The following XYLT1 variants were observed in gnomAD, a reference collection of about 807,000 sequenced individuals.
The protein encoded by XYLT1 is xylosyltransferase 1, also known as beta-D-xylosyltransferase 1.
XYLT1 carries 36 observed loss-of-function variants against 91.3 expected under a neutral mutation model. The ratio of observed to expected loss-of-function variants is 0.39; its 90% CI spans 0.30 to 0.52. The LOEUF is 0.52. Among genes scored for constraint, XYLT1 ranks in the 20% least tolerant of loss-of-function variants. XYLT1 has a pLI of 0.68. For missense variants in XYLT1, 1,242 were observed against 1,284.5 expected, an observed-to-expected ratio of 0.97 and a Z score of 0.51; for synonymous variants, 588 against 532.0, an observed-to-expected ratio of 1.11 and a Z score of -1.45.
At chr16:17,416,400 C>T (rs369657438) in intron 1 of XYLT1, among the ~76,000 whole-genome samples, 7 of 152,198 alleles carry the variant, frequency 4.6e-5, no homozygotes, top group African/African-American at 1.2e-4. Flanking sequence ...GTATAAACTC[C>T]CTAGCTCAGC....
chr16:17,214,071 C>T (rs952560233), intron 3 of XYLT1, among the ~76,000 whole-genome samples: 7 of 152,126 alleles, frequency 4.6e-5, no homozygotes, highest in African/African-American at 7.2e-5. Context: ...ATTTGAAATC[C>T]CTAGTCCCCA....
At chr16:17,283,955 C>T (rs2034096100) in intron 2 of XYLT1, among the ~76,000 whole-genome samples, 1 of 152,220 alleles carries the variant, frequency 6.6e-6, no homozygotes, top group African/African-American at 2.4e-5. Context: ...TACCACTATA[C>T]ACCCGCCCAG....
intron 5 of XYLT1, among the ~76,000 whole-genome samples, chr16:17,166,677 A>AT (rs34758469): frequency 0.059 from 8,557 of 144,100 alleles, 291 homozygotes; most frequent in South Asian, 0.098. Flanking sequence ...ATGTCCAGCT[A>AT]TTTTTTTTTT....
chr16:17,444,502 ACTT>A (rs1175133379), intron 1 of XYLT1, among the ~76,000 whole-genome samples: 33 of 127,900 alleles, frequency 2.6e-4, no homozygotes, highest in African/African-American at 8.9e-4. Context: ...TGTCCAGCTA[ACTT>A]CTTCTTCTTT....
At chr16:17,151,544 A>T (rs1038123118) in intron 6 of XYLT1, among the ~76,000 whole-genome samples, 2 of 152,166 alleles carry the variant, frequency 1.3e-5, no homozygotes, top group Admixed American at 6.5e-5. Context: ...GAAAATGGGC[A>T]CGATGATGAT....
intron 11 of XYLT1, among the ~76,000 whole-genome samples, chr16:17,109,755 T>A (rs1436363219): frequency 6.6e-6 from 1 of 152,198 alleles, no homozygotes; most frequent in Non-Finnish European, 1.5e-5. Flanking sequence ...TCTAGCCCTT[T>A]ACAGAAAAAT....
Position 17,189,122 on chromosome 16 carries a change from T to G in XYLT1, c.1289+9090A>C, listed in dbSNP as rs115554349. 9.0e-3 allele frequency among the ~76,000 whole-genome samples: 1,375 copies of G among 152,322 alleles called. 13 individuals are homozygous for G. The highest frequency in any genetic ancestry group is 0.032 in the African/African-American group (1,318 of 41,564). On this transcript the variant is annotated intron_variant, in intron 5 of 11. Transcript: ENST00000261381. Reference sequence around the variant, plus strand: ...GAGTAGAGAAGTATCTTCACTGGGCTGACCTAAGCACTTTCCTCCTCAAAG... The same window carrying G: ...GAGTAGAGAAGTATCTTCACTGGGCGGACCTAAGCACTTTCCTCCTCAAAG...
intron 11 of XYLT1, among the ~76,000 whole-genome samples, chr16:17,114,463 C>A (rs572269502): frequency 6.6e-6 from 1 of 152,324 alleles, no homozygotes; most frequent in Non-Finnish European, 1.5e-5. Context: ...GTGTCTGCTG[C>A]AGAACTGATT....
At chr16:17,246,435 G>C (rs1355354069) in intron 3 of XYLT1, among the ~76,000 whole-genome samples, 1 of 152,192 alleles carries the variant, frequency 6.6e-6, no homozygotes, top group African/African-American at 2.4e-5. Flanking sequence ...GGAGAAGCTA[G>C]ATCAGTCATT....
chr16:17,396,233 C>T (rs1191998650), intron 1 of XYLT1, among the ~76,000 whole-genome samples: 4 of 152,228 alleles, frequency 2.6e-5, no homozygotes, highest in Non-Finnish European at 5.9e-5. Flanking sequence ...CACAACCTTA[C>T]AGCCAGTCCC....
chr16:17,203,708 T>C (rs1160308786), intron 3 of XYLT1, among the ~76,000 whole-genome samples: 1 of 152,130 alleles, frequency 6.6e-6, no homozygotes, highest in African/African-American at 2.4e-5. Flanking sequence ...ATCTAACTAC[T>C]CATCTGTCCA....
At chr16:17,449,346 C>T (rs535252646) in intron 1 of XYLT1, among the ~76,000 whole-genome samples, 245 of 152,362 alleles carry the variant, frequency 1.6e-3, no homozygotes, top group African/African-American at 5.7e-3. Context: ...GAACAGCAGC[C>T]CCTGGAGAGG....
chr16:17,302,686 G>T (rs182505381), intron 2 of XYLT1, among the ~76,000 whole-genome samples: 8 of 152,220 alleles, frequency 5.3e-5, no homozygotes, highest in African/African-American at 1.9e-4. Context: ...TTTAATTTTT[G>T]CAGTCTTATT....
At chr16:17,427,552 G>A (rs1465838971) in intron 1 of XYLT1, among the ~76,000 whole-genome samples, 1 of 152,150 alleles carries the variant, frequency 6.6e-6, no homozygotes, top group African/African-American at 2.4e-5. Flanking sequence ...CCAAAGCGCT[G>A]GGATTACAGG....
At chr16:17,167,914 C>A (rs2031736737) in intron 5 of XYLT1, among the ~76,000 whole-genome samples, 1 of 152,186 alleles carries the variant, frequency 6.6e-6, no homozygotes, top group African/African-American at 2.4e-5. Context: ...CACGGCTTAT[C>A]TGGGGGAGGA....
chr16:17,123,263 C>T (rs1022115422), intron 10 of XYLT1, among the ~76,000 whole-genome samples: 1 of 152,090 alleles, frequency 6.6e-6, no homozygotes, highest in Non-Finnish European at 1.5e-5. Flanking sequence ...TTGCAGTTTT[C>T]CTTGTAGAGG....
At chr16:17,403,906 C>G (rs1035624350) in intron 1 of XYLT1, among the ~76,000 whole-genome samples, 1 of 152,204 alleles carries the variant, frequency 6.6e-6, no homozygotes, top group Non-Finnish European at 1.5e-5. Context: ...CAGCTTGAAA[C>G]GCTGGACTTG....
Position 17,114,069 on chromosome 16 carries a change from A to T in XYLT1, c.2557+3577T>A, listed in dbSNP as rs141920642. ...GGTGGTGCACCCCAATGCCATGGGGACAGATTCATCCACCTGTTGGGAGGG... is the reference window on the plus strand; with the variant it reads ...GGTGGTGCACCCCAATGCCATGGGGTCAGATTCATCCACCTGTTGGGAGGG... On this transcript the variant is annotated intron_variant, in intron 11 of 11. Coordinates refer to ENST00000261381, the MANE Select transcript of XYLT1 (RefSeq NM_022166.4). Among the ~76,000 whole-genome samples the T allele has an allele frequency of 2.6e-3, 389 of 151,596 alleles. 5 individuals are homozygous for T. Among genetic ancestry groups the T allele is most frequent in the African/African-American group, 8.9e-3 (370 of 41,438 alleles).
intron 6 of XYLT1, among the ~76,000 whole-genome samples, chr16:17,141,778 C>G (rs952076286): frequency 3.3e-5 from 5 of 152,112 alleles, no homozygotes; most frequent in African/African-American, 1.2e-4. Flanking sequence ...GAATAGTACT[C>G]TTCAATGCAT....
Sources: allele counts gnomAD v4.1 joint callset (sites outside exome capture counted in the v4.1 genomes callset), GRCh38; gene constraint gnomAD v4.1.1; transcripts MANE v1.5; gene names NCBI Gene and HGNC (gene_info 2026-07-23, HGNC 2026-07-21).